RBPMS: variants seen among roughly 807,000 people sequenced by gnomAD.
RBPMS encodes RNA binding protein, mRNA processing factor.
A neutral mutation model predicts 26.8 loss-of-function variants in RBPMS; 7 were observed. That is an observed-to-expected ratio of 0.26 (90% confidence interval 0.15 to 0.49). RBPMS has a LOEUF of 0.49. Ranked by LOEUF, RBPMS falls within the 20% of genes least tolerant of loss-of-function variation. The probability of loss-of-function intolerance (pLI) is 0.98; values close to 1 mark genes in which losing one functional copy is unlikely to be tolerated. For missense variants in RBPMS, 186 were observed against 250.0 expected (o/e 0.74, Z 1.73); for synonymous variants, 96 against 93.3 (o/e 1.03, Z -0.17).
intron 1 of RBPMS, among the ~76,000 whole-genome samples, chr8:30,438,264 T>C (rs1319772473): frequency 1.3e-5 from 2 of 152,188 alleles, no homozygotes; most frequent in African/African-American, 2.4e-5. Context: ...TGTTGGCCTT[T>C]TACTTTCCAT....
At chr8:30,544,830 G>A in intron 6 of RBPMS, 6 of 1,536,416 alleles carry the variant, frequency 3.9e-6, no homozygotes, top group Non-Finnish European at 5.2e-6. Context: ...ACTGCCTGAT[G>A]TTTGCCCCAA....
intron 5 of RBPMS, among the ~76,000 whole-genome samples, chr8:30,506,464 A>G (rs912133905): frequency 2.6e-5 from 4 of 152,140 alleles, no homozygotes; most frequent in Admixed American, 2.0e-4. Flanking sequence ...CAAGTCCACT[A>G]TGGCTCAGGT....
intron 6 of RBPMS, among the ~76,000 whole-genome samples, chr8:30,555,675 C>CT (rs1826814376): frequency 6.6e-6 from 1 of 152,210 alleles, no homozygotes; most frequent in Non-Finnish European, 1.5e-5. Context: ...TCACATTATT[C>CT]TAATGGGGAG....
chr8:30,529,547 A>T (rs1823982140), intron 5 of RBPMS, among the ~76,000 whole-genome samples: 2 of 152,090 alleles, frequency 1.3e-5, no homozygotes, highest in Admixed American at 6.5e-5. Flanking sequence ...AACTCTAACC[A>T]TTAAGCTGTA....
chr8:30,428,128 A>C (rs1414574192), intron 1 of RBPMS, among the ~76,000 whole-genome samples: 1 of 150,648 alleles, frequency 6.6e-6, no homozygotes, highest in African/African-American at 2.4e-5. Flanking sequence ...GTTTCAAGCA[A>C]TTCTCCTGCC....
chr8:30,514,459 T>C (rs1163234597), intron 5 of RBPMS, among the ~76,000 whole-genome samples: 4 of 152,106 alleles, frequency 2.6e-5, no homozygotes, highest in African/African-American at 9.7e-5. Flanking sequence ...ATAATAAAAT[T>C]TTAGGTTTAA....
At chr8:30,497,650 T>A (rs1482334856) in intron 4 of RBPMS, among the ~76,000 whole-genome samples, 1 of 152,140 alleles carries the variant, frequency 6.6e-6, no homozygotes, top group Non-Finnish European at 1.5e-5. Flanking sequence ...GGAGTCTTGC[T>A]CTGTCGCCCA....
chr8:30,466,581 T>C (rs966666231), intron 1 of RBPMS, among the ~76,000 whole-genome samples: 1 of 151,582 alleles, frequency 6.6e-6, no homozygotes, highest in Non-Finnish European at 1.5e-5. Flanking sequence ...TTGGTTTTTC[T>C]TTCTTTCTTT....
chr8:30,443,305 T>G (rs1364774994), intron 1 of RBPMS, among the ~76,000 whole-genome samples: 1 of 152,184 alleles, frequency 6.6e-6, no homozygotes, highest in Non-Finnish European at 1.5e-5. Context: ...ATGTTTTTGG[T>G]AATTATGGCT....
intron 6 of RBPMS, chr8:30,549,413 G>A: frequency 1.8e-6 from 2 of 1,119,318 alleles, no homozygotes; most frequent in Non-Finnish European, 2.7e-6. Flanking sequence ...TGCCTTTGGG[G>A]CTGTTCTGCC....
rs1828230389 is a variant in RBPMS at position 30,571,004 on chromosome 8, G to GC, written c.*480dup. ...CTATTTTTTTCCTCTGAAGTAAGTT[G>GC]CATGTTTGAGGCATGTTTCCAAATA... On this transcript the variant is annotated 3_prime_UTR_variant, in exon 9 of 9. Transcript: ENST00000397323. 6.6e-6 allele frequency: 1 copy of GC among 152,078 alleles called. No homozygotes were observed. The highest frequency in any genetic ancestry group is 6.5e-5 in the Admixed American group (1 of 15,282). 9.4% of individuals were successfully genotyped at this position (152,078 alleles called of 1,614,324 possible).
intron 1 of RBPMS, chr8:30,453,691 C>G (rs975815291): frequency 6.6e-6 from 1 of 152,136 alleles, no homozygotes; most frequent in African/African-American, 2.4e-5. Flanking sequence ...GTGTGAGATT[C>G]ACTCACGGCC....
chr8:30,489,492 G>C (rs1285881536), intron 4 of RBPMS, among the ~76,000 whole-genome samples: 1 of 152,036 alleles, frequency 6.6e-6, no homozygotes, highest in Non-Finnish European at 1.5e-5. Flanking sequence ...GTCTCGCTCT[G>C]TCGCCCAGGC....
At chr8:30,467,782 A>G (rs1321292007) in intron 1 of RBPMS, among the ~76,000 whole-genome samples, 1 of 152,234 alleles carries the variant, frequency 6.6e-6, no homozygotes, top group Non-Finnish European at 1.5e-5. Context: ...GAATATTTCT[A>G]AGGACAGTGG....
At chr8:30,420,229 A>C (rs1264799769) in intron 1 of RBPMS, among the ~76,000 whole-genome samples, 1 of 146,804 alleles carries the variant, frequency 6.8e-6, no homozygotes, top group African/African-American at 2.5e-5. Flanking sequence ...CCCTGCTTCA[A>C]AAAAAAAAAA....
At chr8:30,546,159 ACCT>A (rs1205185509) in intron 6 of RBPMS, among the ~76,000 whole-genome samples, 1 of 151,906 alleles carries the variant, frequency 6.6e-6, no homozygotes, top group East Asian at 1.9e-4. Context: ...TTTGCTTGCC[ACCT>A]CCCACCCCTG....
At chr8:30,457,593 T>C (rs1185426019) in intron 1 of RBPMS, among the ~76,000 whole-genome samples, 1 of 16,900 alleles carries the variant, frequency 5.9e-5, no homozygotes, top group Non-Finnish European at 2.1e-4. Flanking sequence ...CTTTTTTTTT[T>C]TTTTTTTTTT....
chr8:30,558,996 G>A, intron 7 of RBPMS, 40 bp downstream of exon 7: 1 of 1,550,056 alleles, frequency 6.5e-7, no homozygotes, highest in South Asian at 1.1e-5. Flanking sequence ...GAAGCCCCTA[G>A]AACACATCTG....
chr8:30,458,545 A>G (rs13248626), intron 1 of RBPMS, among the ~76,000 whole-genome samples: 107,559 of 151,838 alleles, frequency 0.71, 38,292 homozygotes, highest in Middle Eastern at 0.8. Flanking sequence ...ACTATTCTCT[A>G]CTGAGTAATT....
Sources: allele counts gnomAD v4.1 joint callset (sites outside exome capture counted in the v4.1 genomes callset), GRCh38; gene constraint gnomAD v4.1.1; transcripts MANE v1.5; gene names NCBI Gene and HGNC (gene_info 2026-07-23, HGNC 2026-07-21).